Variants in KIRREL3 observed in about 807,000 individuals in gnomAD.
The protein encoded by KIRREL3 is kin of IRRE-like protein 3.
KIRREL3 carries 36 observed loss-of-function variants against 89.7 expected under a neutral mutation model. That is an observed-to-expected ratio of 0.40 (90% CI 0.31 to 0.53). The LOEUF (loss-of-function observed/expected upper bound fraction) is 0.53, where lower values mean the gene tolerates loss of function less well. Among genes scored for constraint, KIRREL3 ranks in the 20% least tolerant of loss-of-function variants. The probability of loss-of-function intolerance (pLI) is 0.49; values close to 1 mark genes in which losing one functional copy is unlikely to be tolerated. For missense variants in KIRREL3, 864 were observed against 1,056.6 expected (o/e 0.82, Z 2.53); for synonymous variants, 445 against 441.4 (o/e 1.01, Z -0.10).
In KIRREL3 at chr11:126,805,122, A is replaced by C. The variant is rs1951164524; in HGVS notation, c.55+195333T>G. Among the ~76,000 whole-genome samples the C allele has an allele frequency of 1.3e-5, 2 of 152,114 alleles. No individual in the cohort carries two copies. The highest frequency in any genetic ancestry group is 4.8e-5 in the African/African-American group (2 of 41,426). On this transcript the variant is annotated intron_variant, in intron 1 of 16. Coordinates refer to ENST00000525144, the MANE Select transcript of KIRREL3 (RefSeq NM_032531.4). The surrounding 1 kb of genome is among the most constrained non-coding windows in gnomAD (Gnocchi z 4.3). ...GGTGTGTGGTAACCTGCAATGAAGG[A>C]GTTATATGTGTGTGCATGTATGTAT...
At chr11:126,716,078 A>G (rs1947947688) in intron 1 of KIRREL3, among the ~76,000 whole-genome samples, 1 of 152,038 alleles carries the variant, frequency 6.6e-6, no homozygotes, top group Non-Finnish European at 1.5e-5. Flanking sequence ...GTGATGAGAA[A>G]GAAGGAAAAA....
rs1174467476 is a variant in KIRREL3 at position 126,687,378 on chromosome 11, G to C, written c.56-124466C>G. Among the ~76,000 whole-genome samples the C allele has an allele frequency of 6.6e-6, 1 of 152,046 alleles. No individual in the cohort carries two copies. Among genetic ancestry groups the C allele is most frequent in the Non-Finnish European group, 1.5e-5 (1 of 68,020 alleles). ...AACATCCCCAAATTTACCTAGCCCA[G>C]AGTTTTAAAAAATTTATATTTTTAA... is the stretch of plus-strand genomic sequence containing the variant. On this transcript the variant is annotated intron_variant, in intron 1 of 16. Coordinates refer to ENST00000525144, the MANE Select transcript of KIRREL3 (RefSeq NM_032531.4). This position sits in a 1 kb window ranked among gnomAD's most constrained non-coding sequence, Gnocchi z 4.6.
chr11:126,424,399 A>C lies in KIRREL3; in HGVS notation c.*181T>G. The C allele has an allele frequency of 3.3e-5, 15 of 457,788 alleles. No homozygotes were observed. The highest frequency in any genetic ancestry group is 9.5e-5 in the East Asian group (2 of 21,036). 28.4% of individuals were successfully genotyped at this position (457,788 alleles called of 1,614,324 possible). ...CACCCGCCCACCTCTGGCACACAGCACCTGGGGACCCAGATTTGTGCTTGA... is the reference window on the plus strand; with the variant it reads ...CACCCGCCCACCTCTGGCACACAGCCCCTGGGGACCCAGATTTGTGCTTGA... On this transcript the variant is annotated 3_prime_UTR_variant, in exon 17 of 17. Coordinates refer to ENST00000525144, the MANE Select transcript of KIRREL3 (RefSeq NM_032531.4).
At position 126,521,692 on chromosome 11, in the gene KIRREL3, G is replaced by C. The variant is rs55748383; in HGVS notation, c.284-228C>G. On this transcript the variant is annotated intron_variant, in intron 3 of 16. Transcript: ENST00000525144. This position sits in a 1 kb window ranked among gnomAD's most constrained non-coding sequence, Gnocchi z 4.1. ...TCTCTCTGTATGTGTGTGTGTGTGT[G>C]TGTGTGTGTGTGTGTGTGTGTGTGT... 1.2e-3 allele frequency among the ~76,000 whole-genome samples: 16 copies of C among 13,070 alleles called. No homozygotes were observed. Among genetic ancestry groups the C allele is most frequent in the Admixed American group, 5.2e-3 (4 of 766 alleles). The allele number at this position is 13,070 out of a possible 152,430, so 8.6% of individuals were successfully genotyped here.
At chr11:126,442,260 CAAA>C (rs35542298) in intron 10 of KIRREL3, among the ~76,000 whole-genome samples, 1 of 70,500 alleles carries the variant, frequency 1.4e-5, no homozygotes, top group Admixed American at 1.8e-4. Flanking sequence ...GACTCCAGCT[CAAA>C]AAAAAAAAAC....
In KIRREL3 at chr11:126,643,082, G is replaced by A. The variant is rs1196616144; in HGVS notation, c.56-80170C>T. On this transcript the variant is annotated intron_variant, in intron 1 of 16. Transcript: ENST00000525144. The surrounding 1 kb of genome is among the most constrained non-coding windows in gnomAD (Gnocchi z 4.5). ...AGACACAACTCTAGGCAGATGTCAT[G>A]AGCACTGGAATCAGATTGGAAAACT... 6.6e-6 allele frequency among the ~76,000 whole-genome samples: 1 copy of A among 152,152 alleles called. No individual in the cohort carries two copies. The highest frequency in any genetic ancestry group is 1.5e-5 in the Non-Finnish European group (1 of 68,036).
intron 1 of KIRREL3, among the ~76,000 whole-genome samples, chr11:126,852,345 G>A (rs547478218): frequency 4.4e-4 from 67 of 152,240 alleles, no homozygotes; most frequent in Admixed American, 2.1e-3. Context: ...AGCCACCAGC[G>A]CCCGGCCGAT....
At chr11:126,554,878 G>A (rs567216313) in intron 2 of KIRREL3, among the ~76,000 whole-genome samples, 17 of 152,230 alleles carry the variant, frequency 1.1e-4, no homozygotes, top group South Asian at 1.0e-3. Flanking sequence ...GCGGCTGAGC[G>A]TCAGGGATAC....
In KIRREL3 at chr11:126,520,604, C is replaced by G. The variant is rs903278344; in HGVS notation, c.433+711G>C. Among the ~76,000 whole-genome samples, 1 of 152,156 alleles carries G rather than the reference C, an allele frequency of 6.6e-6. No individual in the cohort carries two copies. The highest frequency in any genetic ancestry group is 1.5e-5 in the Non-Finnish European group (1 of 68,036). ...CATTTGGCCAGAGGAGGGAGACTCC[C>G]GGGACTGAACTCTAAATCAGAACTA... On this transcript the variant is annotated intron_variant, in intron 4 of 16. Transcript: ENST00000525144. This position sits in a 1 kb window ranked among gnomAD's most constrained non-coding sequence, Gnocchi z 4.9.
At chr11:126,902,840 A>T (rs1565400992) in intron 1 of KIRREL3, among the ~76,000 whole-genome samples, 1 of 151,468 alleles carries the variant, frequency 6.6e-6, no homozygotes, top group East Asian at 1.9e-4. Flanking sequence ...CTTGTGTTTT[A>T]ATCACATTTC....
At chr11:126,862,522 A>T (rs944173244) in intron 1 of KIRREL3, among the ~76,000 whole-genome samples, 3 of 152,132 alleles carry the variant, frequency 2.0e-5, no homozygotes, top group Non-Finnish European at 4.4e-5. Context: ...TTTAACATTC[A>T]TGGGCACATG....
intron 4 of KIRREL3, among the ~76,000 whole-genome samples, chr11:126,500,387 C>T (rs1957816872): frequency 6.6e-6 from 1 of 152,198 alleles, no homozygotes; most frequent in Non-Finnish European, 1.5e-5. Flanking sequence ...AGTCCAGACT[C>T]AAAGCCTGCT....
intron 1 of KIRREL3, among the ~76,000 whole-genome samples, chr11:126,910,082 C>G (rs1033503705): frequency 2.6e-5 from 4 of 152,058 alleles, no homozygotes; most frequent in African/African-American, 9.7e-5. Context: ...CCAACTTGGC[C>G]CTGAGTCCAT....
intron 1 of KIRREL3, among the ~76,000 whole-genome samples, chr11:126,573,859 G>A (rs1054312308): frequency 1.3e-5 from 2 of 152,086 alleles, no homozygotes; most frequent in African/African-American, 4.8e-5. Context: ...GATCCGCGGG[G>A]GGACCTCTTG....
chr11:126,429,185 C>T lies in KIRREL3; in HGVS notation c.1800G>A (p.Gln600=). 1 of 1,600,660 alleles carries T rather than the reference C, an allele frequency of 6.2e-7. No homozygotes were observed. The highest frequency in any genetic ancestry group is 2.2e-5 in the East Asian group (1 of 44,822). ...GGCGTAATTGCATTCTTACCATCAG[C>T]TGCTTGATGGTGGAGTGCTCCTCAC... ...REGEEHSTIK[Q]LMMDRGEFQQ... The change falls in exon 15 of 17, where the codon CAG becomes CAA. Residue 600 remains glutamine (Q), a synonymous_variant. Coordinates refer to ENST00000525144, the MANE Select transcript of KIRREL3 (RefSeq NM_032531.4). This position sits in a 1 kb window ranked among gnomAD's most constrained non-coding sequence, Gnocchi z 5.2.
At chr11:126,907,768 C>T (rs915587126) in intron 1 of KIRREL3, among the ~76,000 whole-genome samples, 1 of 152,122 alleles carries the variant, frequency 6.6e-6, no homozygotes, top group African/African-American at 2.4e-5. Flanking sequence ...CGGGCCCCTG[C>T]TGCCCTGCAA....
intron 2 of KIRREL3, among the ~76,000 whole-genome samples, chr11:126,542,887 C>T (rs1938481244): frequency 6.6e-6 from 1 of 152,214 alleles, no homozygotes; most frequent in African/African-American, 2.4e-5. Context: ...ATACTTCTCA[C>T]TGCCCTGGGA....
At chr11:126,801,302 A>G (rs1335318179) in intron 1 of KIRREL3, among the ~76,000 whole-genome samples, 3 of 152,176 alleles carry the variant, frequency 2.0e-5, no homozygotes, top group Non-Finnish European at 4.4e-5. Context: ...ATCATTTTTC[A>G]TCAATTCATT....
At position 126,541,009 on chromosome 11, in the gene KIRREL3, A is replaced by G. The variant is rs1938325178; in HGVS notation, c.134-14322T>C. ...GGCACTAAGGGGCAGGGATGGAACT[A>G]TGCCATTAGCTCAAGAGGGAGCTGC... On this transcript the variant is annotated intron_variant, in intron 2 of 16. Transcript: ENST00000525144. The surrounding 1 kb of genome is among the most constrained non-coding windows in gnomAD (Gnocchi z 4.8). Among the ~76,000 whole-genome samples, 1 of 152,172 alleles carries G rather than the reference A, an allele frequency of 6.6e-6. No individual in the cohort carries two copies.
Sources: allele counts gnomAD v4.1 joint callset (sites outside exome capture counted in the v4.1 genomes callset), GRCh38; gene constraint gnomAD v4.1.1; non-coding constraint Gnocchi (gnomAD v3.1); transcripts MANE v1.5; gene names NCBI Gene and HGNC (gene_info 2026-07-23, HGNC 2026-07-21).